Variants in GALNTL6 observed in about 807,000 individuals in gnomAD.
GALNTL6 encodes the protein polypeptide N-acetylgalactosaminyltransferase like 6, also known as polypeptide N-acetylgalactosaminyltransferase-like 6.
Under a neutral mutation model 73.7 loss-of-function variants are expected in GALNTL6, and 46 were observed. That is an observed-to-expected ratio of 0.62 (90% confidence interval 0.49 to 0.80). The LOEUF (loss-of-function observed/expected upper bound fraction) is 0.80, where lower values mean the gene tolerates loss of function less well. Ranked by LOEUF, GALNTL6 falls within the 30% of genes least tolerant of loss-of-function variation. The probability of loss-of-function intolerance (pLI) is 0.00; values close to 1 mark genes in which losing one functional copy is unlikely to be tolerated. For missense variants in GALNTL6, 604 were observed against 755.0 expected (o/e 0.80, Z 2.34); for synonymous variants, 259 against 263.7 (o/e 0.98, Z 0.17).
At chr4:172,973,912 G>GTA (rs1750691882) in intron 10 of GALNTL6, among the ~76,000 whole-genome samples, 1 of 152,196 alleles carries the variant, frequency 6.6e-6, no homozygotes, top group South Asian at 2.1e-4. Context: ...ATTGGGAAAT[G>GTA]TATAGATGAG....
intron 2 of GALNTL6, among the ~76,000 whole-genome samples, chr4:172,032,954 C>A (rs1013650044): frequency 6.6e-6 from 1 of 151,816 alleles, no homozygotes; most frequent in African/African-American, 2.4e-5. Flanking sequence ...ATACTGTATT[C>A]TTATAGTACA....
intron 2 of GALNTL6, among the ~76,000 whole-genome samples, chr4:171,833,710 G>A (rs1183212301): frequency 6.6e-6 from 1 of 151,830 alleles, no homozygotes; most frequent in African/African-American, 2.4e-5. Context: ...TAGCCTTGGT[G>A]TATGGGTTTA....
At chr4:172,065,874 C>T (rs1210966082) in intron 2 of GALNTL6, among the ~76,000 whole-genome samples, 4 of 152,186 alleles carry the variant, frequency 2.6e-5, no homozygotes, top group Non-Finnish European at 5.9e-5. Context: ...AGCATCAGAT[C>T]TGGTGAGAAC....
At chr4:172,228,157 T>A (rs1426221794) in intron 2 of GALNTL6, among the ~76,000 whole-genome samples, 4 of 152,316 alleles carry the variant, frequency 2.6e-5, no homozygotes, top group Non-Finnish European at 4.4e-5. Flanking sequence ...TTGATTTTTT[T>A]AAATGTTTGC....
intron 7 of GALNTL6, among the ~76,000 whole-genome samples, chr4:172,875,732 A>AACACACAC (rs59079970): frequency 0.025 from 3,668 of 145,760 alleles, 118 homozygotes; most frequent in Admixed American, 0.095. Context: ...CTCATACATA[A>AACACACAC]ACACACACAC....
intron 2 of GALNTL6, among the ~76,000 whole-genome samples, chr4:172,044,770 AAATTGTGAT>A (rs1194573263): frequency 6.6e-6 from 1 of 151,988 alleles, no homozygotes; most frequent in Non-Finnish European, 1.5e-5. Context: ...CTTGCCTTTG[AAATTGTGAT>A]AATTTCAAAT....
intron 5 of GALNTL6, among the ~76,000 whole-genome samples, chr4:172,707,897 T>C (rs1734453614): frequency 6.6e-6 from 1 of 152,098 alleles, no homozygotes; most frequent in East Asian, 1.9e-4. Context: ...AGAATTCTTG[T>C]TACAGTTGGG....
chr4:171,849,229 T>A (rs1478906048), intron 2 of GALNTL6, among the ~76,000 whole-genome samples: 2 of 152,202 alleles, frequency 1.3e-5, no homozygotes, highest in Non-Finnish European at 2.9e-5. Context: ...GGTTCTAAAC[T>A]GGCCTAATTT....
Position 172,671,977 on chromosome 4 carries a change from G to A in GALNTL6, c.554-137384G>A, listed in dbSNP as rs906440888. Among the ~76,000 whole-genome samples the A allele has an allele frequency of 2.6e-5, 4 of 152,160 alleles. No homozygotes were observed. In the South Asian group the frequency reaches 6.2e-4, roughly 24 times the overall value. ...GCAATCTCAGCTCACTGCAACCTCC[G>A]CATCCCAGGTTCAAGTAATTCTCAT... On this transcript the variant is annotated intron_variant, in intron 5 of 12. Transcript: ENST00000506823.
chr4:172,653,850 G>A (rs1199158765), intron 5 of GALNTL6, among the ~76,000 whole-genome samples: 2 of 152,196 alleles, frequency 1.3e-5, no homozygotes, highest in East Asian at 3.8e-4. Context: ...GATCAACACT[G>A]TGCATTATTC....
At chr4:172,970,723 C>G (rs531401214) in intron 10 of GALNTL6, among the ~76,000 whole-genome samples, 3 of 152,052 alleles carry the variant, frequency 2.0e-5, no homozygotes, top group Non-Finnish European at 4.4e-5. Flanking sequence ...CCTGAGGTGA[C>G]GTACATTCTC....
intron 8 of GALNTL6, among the ~76,000 whole-genome samples, chr4:172,904,840 G>A (rs1267542719): frequency 6.6e-6 from 1 of 152,146 alleles, no homozygotes; most frequent in Non-Finnish European, 1.5e-5. Context: ...TTCCTGGAGT[G>A]AGAAGAGAGA....
intron 2 of GALNTL6, among the ~76,000 whole-genome samples, chr4:171,879,365 G>A (rs1736371706): frequency 2.0e-5 from 3 of 151,996 alleles, no homozygotes; most frequent in Non-Finnish European, 2.9e-5. Context: ...TTACTATTGT[G>A]CTTTTTTTCT....
intron 10 of GALNTL6, among the ~76,000 whole-genome samples, chr4:172,997,653 G>A (rs1751855177): frequency 6.6e-6 from 1 of 152,132 alleles, no homozygotes; most frequent in South Asian, 2.1e-4. Flanking sequence ...TGGGGGCAGG[G>A]GGAAGGGTGA....
At chr4:172,948,138 G>A (rs1005780183) in intron 9 of GALNTL6, among the ~76,000 whole-genome samples, 28 of 152,184 alleles carry the variant, frequency 1.8e-4, no homozygotes, top group African/African-American at 6.3e-4. Flanking sequence ...AGTTTCTCCT[G>A]ATAGTAAATT....
chr4:173,014,359 G>A (rs1231201895), intron 11 of GALNTL6, among the ~76,000 whole-genome samples: 1 of 152,228 alleles, frequency 6.6e-6, no homozygotes, highest in South Asian at 2.1e-4. Flanking sequence ...AGGGAGAGGA[G>A]TGGCGGGGAG....
intron 10 of GALNTL6, among the ~76,000 whole-genome samples, chr4:172,990,343 G>A (rs1046112756): frequency 6.6e-6 from 1 of 152,172 alleles, no homozygotes; most frequent in Admixed American, 6.5e-5. Context: ...GTTCATAGGA[G>A]TATACTTTCT....
intron 5 of GALNTL6, among the ~76,000 whole-genome samples, chr4:172,405,443 A>ATT (rs201198149): frequency 1.3e-4 from 1 of 7,890 alleles, no homozygotes; most frequent in African/African-American, 8.4e-4. Context: ...ATATATATAT[A>ATT]TTTTTTTTTT....
intron 2 of GALNTL6, among the ~76,000 whole-genome samples, chr4:172,142,004 C>A (rs771683856): frequency 3.3e-5 from 5 of 152,008 alleles, no homozygotes; most frequent in Non-Finnish European, 7.4e-5. Flanking sequence ...AATCAGTGTA[C>A]ACACACAAAA....
Sources: allele counts gnomAD v4.1 joint callset (sites outside exome capture counted in the v4.1 genomes callset), GRCh38; gene constraint gnomAD v4.1.1; transcripts MANE v1.5; gene names NCBI Gene and HGNC (gene_info 2026-07-23, HGNC 2026-07-21).